BORCS5: variants seen among roughly 807,000 people sequenced by gnomAD.
BORCS5 encodes BLOC-1 related complex subunit 5, also known as BLOC-1-related complex subunit 5.
Under a neutral mutation model 22.1 loss-of-function variants are expected in BORCS5, and 17 were observed. The ratio of observed to expected loss-of-function variants is 0.77; its 90% confidence interval spans 0.53 to 1.15. BORCS5 has a LOEUF of 1.15. Among genes scored for constraint, BORCS5 ranks in the 50% most tolerant of loss-of-function variants. The pLI, the probability that BORCS5 is intolerant of heterozygous loss-of-function variation, is 0.00. For synonymous variants in BORCS5, 117 were observed against 99.8 expected, an observed-to-expected ratio of 1.17 and a Z score of -1.03; for missense variants, 247 against 253.2, an observed-to-expected ratio of 0.98 and a Z score of 0.17.
intron 2 of BORCS5, among the ~76,000 whole-genome samples, chr12:12,382,599 C>T (rs1286100792): frequency 6.8e-6 from 1 of 146,940 alleles, no homozygotes; most frequent in Non-Finnish European, 1.5e-5. Context: ...GTGGCGCGAT[C>T]TCAGTTTCCT....
chr12:12,422,198 C>G, intron 2 of BORCS5, among the ~76,000 whole-genome samples: 1 of 151,992 alleles, frequency 6.6e-6, no homozygotes, highest in East Asian at 1.9e-4. Context: ...ATGCTGTTTT[C>G]TTTGCACTTA....
intron 3 of BORCS5, among the ~76,000 whole-genome samples, chr12:12,454,327 C>A (rs960633867): frequency 6.6e-6 from 1 of 152,232 alleles, no homozygotes; most frequent in African/African-American, 2.4e-5. Flanking sequence ...TTTCTTCACA[C>A]CCTCACTAAC....
chr12:12,407,702 CTTTTTGTTTT>C (rs1265108613), intron 2 of BORCS5, among the ~76,000 whole-genome samples: 1 of 141,768 alleles, frequency 7.1e-6, no homozygotes, highest in African/African-American at 2.6e-5. Context: ...TTTTACTATT[CTTTTTGTTTT>C]TTTTTTTTTT....
intron 1 of BORCS5, among the ~76,000 whole-genome samples, chr12:12,360,766 G>C (rs1863264809): frequency 6.6e-6 from 1 of 151,522 alleles, no homozygotes; most frequent in South Asian, 2.1e-4. Flanking sequence ...TGTTGCCCAG[G>C]CTCAAGTGCA....
At chr12:12,412,900 CTTTTTTTTTTTTT>C (rs869045354) in intron 2 of BORCS5, among the ~76,000 whole-genome samples, 2 of 74,204 alleles carry the variant, frequency 2.7e-5, no homozygotes, top group East Asian at 5.3e-4. Context: ...TTGTGGTTTT[CTTTTTTTTTTTTT>C]TTTTTTTTTT....
At position 12,436,806 on chromosome 12, in the gene BORCS5, T is replaced by A. The variant is rs79164011; in HGVS notation, c.360+1021T>A. Among the ~76,000 whole-genome samples, 1,055 of 152,360 alleles carry A rather than the reference T, an allele frequency of 6.9e-3. 13 individuals carry two copies. The highest frequency in any genetic ancestry group is 0.024 in the African/African-American group (999 of 41,580). On this transcript the variant is annotated intron_variant, in intron 3 of 3. Coordinates refer to ENST00000314565, the MANE Select transcript of BORCS5 (RefSeq NM_058169.6). Reference sequence around the variant, plus strand: ...CCAACATTTTAGTGCTTAGCTTTCATAAAATGTTGCATGCATATACTCTTC... The same window carrying A: ...CCAACATTTTAGTGCTTAGCTTTCAAAAAATGTTGCATGCATATACTCTTC...
At chr12:12,399,415 G>T (rs767147743) in intron 2 of BORCS5, among the ~76,000 whole-genome samples, 8 of 152,182 alleles carry the variant, frequency 5.3e-5, no homozygotes, top group Non-Finnish European at 8.8e-5. Flanking sequence ...TTTTCAAGAG[G>T]CAGCCTGGGG....
At chr12:12,393,958 T>G (rs1409557519) in intron 2 of BORCS5, among the ~76,000 whole-genome samples, 1 of 152,078 alleles carries the variant, frequency 6.6e-6, no homozygotes, top group African/African-American at 2.4e-5. Flanking sequence ...TATGTTTACT[T>G]TTTATGGTTT....
At chr12:12,416,393 C>A (rs1404984131) in intron 2 of BORCS5, among the ~76,000 whole-genome samples, 1 of 151,110 alleles carries the variant, frequency 6.6e-6, no homozygotes, top group Non-Finnish European at 1.5e-5. Context: ...TTTTCTAGTT[C>A]CTTAAGTTGT....
At chr12:12,407,036 G>A (rs1303443523) in intron 2 of BORCS5, among the ~76,000 whole-genome samples, 1 of 152,190 alleles carries the variant, frequency 6.6e-6, no homozygotes, top group Non-Finnish European at 1.5e-5. Flanking sequence ...CCAGGCAAGT[G>A]GGACAAAGTG....
intron 2 of BORCS5, among the ~76,000 whole-genome samples, chr12:12,423,775 G>A (rs1310391701): frequency 1.3e-5 from 2 of 152,078 alleles, no homozygotes; most frequent in East Asian, 3.9e-4. Flanking sequence ...TGCAACCTCT[G>A]CATCCCAGGC....
intron 2 of BORCS5, among the ~76,000 whole-genome samples, chr12:12,416,653 G>A (rs77971403): frequency 0.017 from 2,613 of 151,908 alleles, 78 homozygotes; most frequent in African/African-American, 0.06. Context: ...AAGAGACAGA[G>A]TCTCACTAGG....
chr12:12,410,253 G>A (rs4562915), intron 2 of BORCS5, among the ~76,000 whole-genome samples: 38,329 of 151,386 alleles, frequency 0.25, 5,711 homozygotes, highest in Non-Finnish European at 0.33. Flanking sequence ...TGTCAATTTT[G>A]GCTTTTGTTG....
intron 2 of BORCS5, among the ~76,000 whole-genome samples, chr12:12,414,874 G>C (rs1460207892): frequency 2.5e-4 from 38 of 150,142 alleles, no homozygotes; most frequent in African/African-American, 8.9e-4. Flanking sequence ...CCCAGACAGG[G>C]TTGTGGCCAG....
At chr12:12,465,520 A>G (rs747320582) in intron 3 of BORCS5, 26 bp from the exon 4 acceptor site, 2 of 1,602,504 alleles carry the variant, frequency 1.2e-6, no homozygotes, top group Non-Finnish European at 8.5e-7. Context: ...AACAAGGTAT[A>G]ATGTACTTCT....
chr12:12,388,852 C>G (rs537136926), intron 2 of BORCS5, among the ~76,000 whole-genome samples: 40 of 119,368 alleles, frequency 3.4e-4, no homozygotes, highest in African/African-American at 1.2e-3. Flanking sequence ...AAAAAATGTT[C>G]CAGATATGAG....
rs1163167766 is a variant in BORCS5 at position 12,457,581 on chromosome 12, A to G, written c.361-7965A>G. Among the ~76,000 whole-genome samples, 4 of 152,056 alleles carry G rather than the reference A, an allele frequency of 2.6e-5. No homozygotes were observed. The East Asian group carries it at 5.8e-4, about 22-fold the overall frequency. ...CTACGCGGGAGGCTGAGGCAGGAGA[A>G]TGGCGTGAACCCCGGGGGGCAGAGC... On this transcript the variant is annotated intron_variant, in intron 3 of 3. Transcript: ENST00000314565.
At position 12,420,119 on chromosome 12, in the gene BORCS5, C is replaced by T. The variant is rs535799926; in HGVS notation, c.203-15509C>T. 2.3e-3 allele frequency among the ~76,000 whole-genome samples: 346 copies of T among 149,314 alleles called. 1 individual carries two copies. Among genetic ancestry groups the T allele is most frequent in the Middle Eastern group, 0.01 (3 of 294 alleles). ...GGTGTTTTAGACATGAAGTCCTTGC[C>T]CATGCCTATGTCCTGAATGGTATTG... On this transcript the variant is annotated intron_variant, in intron 2 of 3. Transcript: ENST00000314565.
rs1265224873 is a variant in BORCS5 at position 12,466,173 on chromosome 12, C to T, written c.*397C>T. 6.0e-6 allele frequency: 1 copy of T among 167,292 alleles called. No individual in the cohort carries two copies. The highest frequency in any genetic ancestry group is 2.4e-5 in the African/African-American group (1 of 41,668). 10.4% of individuals were successfully genotyped at this position (167,292 alleles called of 1,614,324 possible). A position where few individuals can be genotyped will look rare whatever the true frequency, so the allele number is the denominator to read the frequency against. On this transcript the variant is annotated 3_prime_UTR_variant, in exon 4 of 4. Transcript: ENST00000314565. The stretch of plus-strand genomic sequence containing the variant: ...TACGAAGCTCTGTGTTCTCAACGCC[C>T]TCATGAACTTTTCAGTAGGCTGTCT...
Sources: gnomAD v4.1 joint callset for allele counts (sites outside exome capture counted in the v4.1 genomes callset) on GRCh38, gnomAD v4.1.1 for gene constraint, MANE v1.5 for transcripts, NCBI Gene and HGNC (gene_info 2026-07-23, HGNC 2026-07-21) for gene names.